Variants in SLC4A8 observed in about 807,000 individuals in gnomAD.
SLC4A8 encodes the protein solute carrier family 4 member 8.
A neutral mutation model predicts 125.0 loss-of-function variants in SLC4A8; 40 were observed. The observed-to-expected ratio is 0.32, with a 90% CI of 0.25 to 0.42. The LOEUF is 0.42. Ranked by LOEUF, SLC4A8 falls within the 10% of genes least tolerant of loss-of-function variation. The pLI is 1.00. For missense variants in SLC4A8, 863 were observed against 1,355.1 expected (o/e 0.64, Z 5.70); for synonymous variants, 456 against 476.0 (o/e 0.96, Z 0.55).
At chr12:51,489,481 TAATC>T (rs1565816793) in intron 18 of SLC4A8, among the ~76,000 whole-genome samples, 2 of 152,122 alleles carry the variant, frequency 1.3e-5, no homozygotes. Flanking sequence ...CTTGGAAAAA[TAATC>T]AATATTGGCA....
intron 6 of SLC4A8, 129 bp from the exon 7 acceptor site, chr12:51,458,430 C>G: frequency 3.0e-6 from 2 of 658,922 alleles, no homozygotes; most frequent in South Asian, 3.7e-5. Context: ...GTCTTGACTT[C>G]GTAGTCATCT....
upstream of SLC4A8, chr12:51,424,706 G>C (rs1238365524): frequency 2.3e-6 from 1 of 439,782 alleles, no homozygotes; most frequent in Non-Finnish European, 4.0e-6. Flanking sequence ...GCCCGGGAGC[G>C]GTTGGCTCCC....
At position 51,471,326 on chromosome 12, in the gene SLC4A8, T is replaced by C; in HGVS notation, c.1698T>C (p.Ile566=). ...CATACCTCTCCCTGCGAGCTTGTAT[T>C]GGACTGTGGACCGCTTTCCTGTGTA... ...ALSYLSLRAC[I]GLWTAFLCIV... The change falls in exon 14 of 25, where the codon ATT becomes ATC. Residue 566 remains isoleucine (I), a synonymous_variant. Coordinates refer to ENST00000453097, the MANE Select transcript of SLC4A8 (RefSeq NM_001039960.3). 6.2e-7 allele frequency: 1 copy of C among 1,613,948 alleles called. No individual in the cohort carries two copies. Among genetic ancestry groups the C allele is most frequent in the Non-Finnish European group, 8.5e-7 (1 of 1,180,000 alleles).
intron 9 of SLC4A8, chr12:51,461,819 T>C (rs1950333846): frequency 5.1e-6 from 1 of 197,090 alleles, no homozygotes; most frequent in Admixed American, 5.3e-5. Context: ...AGCTGCAAAG[T>C]AGGGCTTTCA....
rs955001045 is a variant in SLC4A8 at position 51,417,151 on chromosome 12, T to C, written c.-111-23557T>C. 2.0e-5 allele frequency among the ~76,000 whole-genome samples: 3 copies of C among 152,226 alleles called. No individual in the cohort carries two copies. The South Asian group carries it at 6.2e-4, about 32-fold the overall frequency. On this transcript the variant is annotated intron_variant, in intron 1 of 24. Transcript: ENST00000358657. Reference sequence around the variant, plus strand: ...CTTCTACATAACCACATTACCATCATCACACATGAAAATTAACCATGGTGT... The same window carrying C: ...CTTCTACATAACCACATTACCATCACCACACATGAAAATTAACCATGGTGT...
Position 51,424,874 on chromosome 12 carries a change from G to C in SLC4A8, c.-114G>C. The C allele has an allele frequency of 1.7e-6, 2 of 1,174,524 alleles. No individual in the cohort carries two copies. The highest frequency in any genetic ancestry group is 1.4e-5 in the South Asian group (1 of 72,558). The allele number at this position is 1,174,524 out of a possible 1,614,324, so 72.8% of individuals were successfully genotyped here. On this transcript the variant is annotated 5_prime_UTR_variant, in exon 1 of 25. Transcript: ENST00000453097. ...AGGCGGCGGCGGTTGATGGTTGACC[G>C]TTGGCTCCGGGGTGGGGGTCGCCGT...
rs927058220 is a variant in SLC4A8 at position 51,452,050 on chromosome 12, T to C, written c.278-74T>C. On this transcript the variant is annotated intron_variant, in intron 3 of 24. Transcript: ENST00000453097. The stretch of plus-strand genomic sequence containing the variant: ...TGTCTATATATATTTCTAAAGTTGT[T>C]AGGTAAGGAAGAATGCTATTTCTGT... The C allele has an allele frequency of 3.5e-6, 5 of 1,411,982 alleles. No homozygotes were observed. In the Admixed American group the frequency reaches 5.3e-5, roughly 15 times the overall value. The allele number at this position is 1,411,982 out of a possible 1,614,324, so 87.5% of individuals were successfully genotyped here.
chr12:51,463,550 C>T (rs1296871919), intron 10 of SLC4A8, 64 bp from the exon 11 acceptor site: 2 of 1,297,408 alleles, frequency 1.5e-6, no homozygotes, highest in Non-Finnish European at 2.2e-6. Context: ...TTCCCACTCC[C>T]TGCTGATAGC....
In SLC4A8 at chr12:51,447,011, A is replaced by G. The variant is rs552022094; in HGVS notation, c.131-3865A>G. On this transcript the variant is annotated intron_variant, in intron 2 of 24. Transcript: ENST00000453097. ...TAAGTACATGAGAACAGCACTAACC[A>G]AGGGTGCTGGGAATCTGCCTGCCTG... is the stretch of plus-strand genomic sequence containing the variant. 1.7e-3 allele frequency among the ~76,000 whole-genome samples: 262 copies of G among 150,906 alleles called. 1 individual carries two copies. Among genetic ancestry groups the G allele is most frequent in the African/African-American group, 6.0e-3 (248 of 41,018 alleles).
At position 51,515,157 on chromosome 12, in the gene SLC4A8, C is replaced by G. The variant is rs1440491180; in HGVS notation, c.*7719C>G. ...CGCTTAGCAGGTTTGCAATTGACTT[C>G]AACATGCAGGCTTTTCACATGTGCA... On this transcript the variant is annotated 3_prime_UTR_variant, in exon 25 of 25. Coordinates refer to ENST00000453097, the MANE Select transcript of SLC4A8 (RefSeq NM_001039960.3). The G allele has an allele frequency of 6.6e-6, 1 of 152,242 alleles. No individual in the cohort carries two copies. The highest frequency in any genetic ancestry group is 2.4e-5 in the African/African-American group (1 of 41,458). 9.4% of individuals were successfully genotyped at this position (152,242 alleles called of 1,614,324 possible). A position where few individuals can be genotyped will look rare whatever the true frequency, so the allele number is the denominator to read the frequency against.
rs767702119 is a variant in SLC4A8, at chr12:51,471,552, A to T, written c.1904+20A>T. The T allele has an allele frequency of 6.2e-7, 1 of 1,605,700 alleles. No individual in the cohort carries two copies. The highest frequency in any genetic ancestry group is 1.3e-5 in the African/African-American group (1 of 74,702). ...CTATTAGTAAGTGTGCTTTCTGCTT[A>T]TTTTTAAAAATTGAGCAAAGGGCCT... is the stretch of plus-strand genomic sequence containing the variant. On this transcript the variant is annotated intron_variant, in intron 14 of 24. Transcript: ENST00000453097.
At chr12:51,424,063 C>CAAAAAAAAAAAA (rs199851698), upstream of SLC4A8, among the ~76,000 whole-genome samples, 1 of 107,054 alleles carries the variant, frequency 9.3e-6, no homozygotes, top group African/African-American at 3.6e-5. Flanking sequence ...ACAAAAAAAA[C>CAAAAAAAAAAAA]AACAAAAAAA....
chr12:51,403,109 G>A (rs187489595), intron 1 of SLC4A8: 1 of 199,614 alleles, frequency 5.0e-6, no homozygotes, highest in Non-Finnish European at 1.3e-5. Flanking sequence ...ATTTAGATTA[G>A]GTAATAGGTA....
chr12:51,498,257 C>T (rs1419521364), intron 22 of SLC4A8, among the ~76,000 whole-genome samples: 2 of 152,002 alleles, frequency 1.3e-5, no homozygotes, highest in African/African-American at 4.8e-5. Context: ...TAAGTTGAGA[C>T]ATGTTAATAT....
chr12:51,464,922 T>C (rs1420102008), intron 11 of SLC4A8, among the ~76,000 whole-genome samples: 1 of 152,006 alleles, frequency 6.6e-6, no homozygotes, highest in African/African-American at 2.4e-5. Context: ...TGTTTTCTGG[T>C]AGGAAGAATG....
chr12:51,503,250 A>T (rs1938009648), intron 22 of SLC4A8, among the ~76,000 whole-genome samples: 1 of 146,974 alleles, frequency 6.8e-6, no homozygotes, highest in Non-Finnish European at 1.5e-5. Context: ...TTTGAGACGG[A>T]GTCTCACCCT....
At chr12:51,504,546 G>C (rs1223069260) in intron 23 of SLC4A8, among the ~76,000 whole-genome samples, 2 of 152,198 alleles carry the variant, frequency 1.3e-5, no homozygotes, top group Non-Finnish European at 2.9e-5. Context: ...AACCCTGGTC[G>C]TCTTCTATTC....
rs1212900727 is a variant in SLC4A8, at chr12:51,489,856, C to T, written c.2605C>T (p.Gln869Ter). 3 of 1,614,050 alleles carry T rather than the reference C, an allele frequency of 1.9e-6. No homozygotes were observed. Among genetic ancestry groups the T allele is most frequent in the Non-Finnish European group, 2.5e-6 (3 of 1,180,008 alleles). The change falls in exon 19 of 25, where the codon CAG (glutamine) becomes TAG (stop). Residue 869 changes from glutamine to a stop codon, truncating the protein, a stop_gained. Coordinates refer to ENST00000453097, the MANE Select transcript of SLC4A8 (RefSeq NM_001039960.3). LOFTEE classifies it high-confidence loss of function. ...LESECSAPGE[Q>*]PKFLGIREQR... is the part of the protein sequence containing the mutation. Reference sequence around the variant, plus strand: ...ATCTGAATGCTCTGCTCCTGGAGAACAGCCCAAGTTCCTGGGCATCCGAGA... The same window carrying T: ...ATCTGAATGCTCTGCTCCTGGAGAATAGCCCAAGTTCCTGGGCATCCGAGA...
intron 3 of SLC4A8, among the ~76,000 whole-genome samples, chr12:51,451,765 C>A (rs1949981293): frequency 6.6e-6 from 1 of 151,174 alleles, no homozygotes; most frequent in Non-Finnish European, 1.5e-5. Flanking sequence ...AACCAAAAAC[C>A]TAAAAACTGA....
Sources: allele counts gnomAD v4.1 joint callset (sites outside exome capture counted in the v4.1 genomes callset), GRCh38; gene constraint gnomAD v4.1.1; transcripts MANE v1.5; gene names NCBI Gene and HGNC (gene_info 2026-07-23, HGNC 2026-07-21).